Variants in HMCN1 observed in about 807,000 individuals in gnomAD.
The protein encoded by HMCN1 is hemicentin-1.
A neutral mutation model predicts 625.9 loss-of-function variants in HMCN1; 321 were observed. The observed-to-expected ratio is 0.51, with a 90% CI of 0.47 to 0.56. The LOEUF (loss-of-function observed/expected upper bound fraction) is 0.56. Ranked by LOEUF, HMCN1 falls within the 20% of genes least tolerant of loss-of-function variation. The probability of loss-of-function intolerance (pLI) is 0.00; values close to 1 mark genes in which losing one functional copy is unlikely to be tolerated. For missense variants in HMCN1, 6,588 were observed against 6,887.3 expected (o/e 0.96, Z 1.54); for synonymous variants, 2,425 against 2,417.6 (o/e 1.00, Z -0.09).
chr1:185,815,591 T>A (rs1394395646), intron 1 of HMCN1, among the ~76,000 whole-genome samples: 1 of 149,956 alleles, frequency 6.7e-6, no homozygotes, highest in Non-Finnish European at 1.5e-5. Context: ...GGGATAATTT[T>A]GATATTTAGT....
chr1:186,106,850 T>C (rs1367609674), intron 69 of HMCN1, 34 bp from the exon 70 acceptor site: 2 of 1,365,994 alleles, frequency 1.5e-6, no homozygotes, highest in South Asian at 2.3e-5. Flanking sequence ...GCTAACATGT[T>C]AACATTATGT....
In HMCN1 at chr1:186,103,533, A is replaced by G. The variant is rs768864513; in HGVS notation, c.10635A>G (p.Pro3545=). The change falls in exon 69 of 107, where the codon CCA becomes CCG. Residue 3545 remains proline (P), a synonymous_variant. Transcript: ENST00000271588. Reference sequence around the variant, plus strand: ...AGATATCAGTAATTGTTAATAACCCACTTGAACTTACCTGCATTGCTTCTG... The same window carrying G: ...AGATATCAGTAATTGTTAATAACCCGCTTGAACTTACCTGCATTGCTTCTG... ...HEEISVIVNN[P]LELTCIASGI... The G allele has an allele frequency of 6.2e-7, 1 of 1,613,802 alleles. No homozygotes were observed. The highest frequency in any genetic ancestry group is 8.5e-7 in the Non-Finnish European group (1 of 1,179,762).
intron 1 of HMCN1, among the ~76,000 whole-genome samples, chr1:185,752,189 G>A (rs1028079976): frequency 4.6e-5 from 7 of 152,106 alleles, no homozygotes; most frequent in Admixed American, 1.3e-4. Flanking sequence ...TTCTGGCTTA[G>A]GGTTTCAACT....
At chr1:186,143,737 T>C (rs917291787) in intron 89 of HMCN1, among the ~76,000 whole-genome samples, 2 of 152,216 alleles carry the variant, frequency 1.3e-5, no homozygotes, top group Non-Finnish European at 2.9e-5. Flanking sequence ...CCAAATTATC[T>C]TTGTGGAAAT....
chr1:186,082,920 C>T lies in HMCN1; in HGVS notation c.8843C>T (p.Thr2948Ile). Reference sequence around the variant, plus strand: ...AGGTATGTGTGTGTTGCTGAGAACACAGCTGGGAGTGCCAAAAAATATTTT... The same window carrying T: ...AGGTATGTGTGTGTTGCTGAGAACATAGCTGGGAGTGCCAAAAAATATTTT... ...IGRYVCVAEN[T>I]AGSAKKYFNL... The change falls in exon 57 of 107, where the codon ACA becomes ATA. Residue 2948 changes from threonine to isoleucine, a missense_variant. Thr to Ile is a moderately conservative substitution (Grantham distance 89). Transcript: ENST00000271588. The T allele has an allele frequency of 6.3e-7, 1 of 1,594,652 alleles. No homozygotes were observed. Among genetic ancestry groups the T allele is most frequent in the African/African-American group, 1.3e-5 (1 of 74,350 alleles).
chr1:185,911,613 T>C, intron 5 of HMCN1, 61 bp from the exon 6 acceptor site: 1 of 1,160,368 alleles, frequency 8.6e-7, no homozygotes, highest in South Asian at 1.2e-5. Context: ...AGTGTTAAAT[T>C]AGCTAATATA....
intron 97 of HMCN1, among the ~76,000 whole-genome samples, chr1:186,156,310 C>T (rs1271942023): frequency 6.6e-6 from 1 of 151,934 alleles, no homozygotes; most frequent in African/African-American, 2.4e-5. Flanking sequence ...TATTGACAAC[C>T]ATGATTAATC....
intron 2 of HMCN1, among the ~76,000 whole-genome samples, chr1:185,855,039 A>G (rs1662381866): frequency 6.6e-6 from 1 of 152,202 alleles, no homozygotes; most frequent in Non-Finnish European, 1.5e-5. Context: ...GAGGAAAAAC[A>G]GAGAAGGATC....
intron 75 of HMCN1, 123 bp downstream of exon 75, chr1:186,115,537 GT>G (rs912134615): frequency 2.4e-5 from 22 of 925,334 alleles, no homozygotes; most frequent in African/African-American, 1.7e-4. Context: ...CATATAGAGG[GT>G]TTTTTTCCTT....
At chr1:186,161,626 A>C (rs1480055689) in intron 97 of HMCN1, among the ~76,000 whole-genome samples, 2 of 151,808 alleles carry the variant, frequency 1.3e-5, no homozygotes, top group African/African-American at 4.9e-5. Context: ...GTGGTGACAA[A>C]ATCTCTCAGC....
At chr1:185,857,136 C>G (rs557344586) in intron 2 of HMCN1, among the ~76,000 whole-genome samples, 4 of 152,088 alleles carry the variant, frequency 2.6e-5, no homozygotes, top group Admixed American at 6.5e-5. Context: ...TAATTATCAC[C>G]GTAACTCTGA....
Position 186,017,197 on chromosome 1 carries a change from T to C in HMCN1, c.5300+126T>C, listed in dbSNP as rs372436340. The C allele has an allele frequency of 8.9e-5, 62 of 697,146 alleles. 1 individual carries two copies. In the East Asian group the frequency reaches 1.4e-3, roughly 16 times the overall value. The allele number at this position is 697,146 out of a possible 1,614,324, so 43.2% of individuals were successfully genotyped here. A position where few individuals can be genotyped will look rare whatever the true frequency, so the allele number is the denominator to read the frequency against. ...GAAATTGTATTCTTTATATTCCTCT[T>C]TTAAAAGACATGCTCTATATACAAG... On this transcript the variant is annotated intron_variant, in intron 33 of 106. Coordinates refer to ENST00000271588, the MANE Select transcript of HMCN1 (RefSeq NM_031935.3).
At chr1:185,886,784 TCC>T (rs1429476728) in intron 4 of HMCN1, among the ~76,000 whole-genome samples, 83 of 152,084 alleles carry the variant, frequency 5.5e-4, no homozygotes, top group African/African-American at 2.0e-3. Flanking sequence ...CCCTACCCAA[TCC>T]AGTAAGATAA....
chr1:185,964,047 A>G (rs1476195363), intron 13 of HMCN1, 152 bp downstream of exon 13: 1 of 696,454 alleles, frequency 1.4e-6, no homozygotes, highest in African/African-American at 1.8e-5. Context: ...CAAATATTGT[A>G]ACCAATTTAA....
chr1:186,157,691 T>G (rs1446161643), intron 97 of HMCN1, among the ~76,000 whole-genome samples: 1 of 152,172 alleles, frequency 6.6e-6, no homozygotes, highest in Admixed American at 6.5e-5. Context: ...ATATGCGGTG[T>G]TTGGTTTTTT....
intron 1 of HMCN1, among the ~76,000 whole-genome samples, chr1:185,778,269 T>C (rs1354674219): frequency 1.3e-5 from 2 of 152,242 alleles, no homozygotes; most frequent in East Asian, 3.9e-4. Flanking sequence ...TATGGGGACA[T>C]CCATAGATAC....
chr1:185,910,324 A>G (rs939511987), intron 5 of HMCN1, among the ~76,000 whole-genome samples: 1 of 152,124 alleles, frequency 6.6e-6, no homozygotes, highest in African/African-American at 2.4e-5. Context: ...TACAAGACAA[A>G]TACAACGTCT....
chr1:185,980,819 A>G (rs1041851108), intron 16 of HMCN1, among the ~76,000 whole-genome samples, 159 bp from the exon 17 acceptor site: 1 of 152,030 alleles, frequency 6.6e-6, no homozygotes, highest in Non-Finnish European at 1.5e-5. Context: ...CTTTGTTAGC[A>G]CTTATTTCAC....
rs776373249 is a variant in HMCN1 at position 186,115,317 on chromosome 1, A to G, written c.11464A>G (p.Thr3822Ala). The G allele has an allele frequency of 1.7e-5, 28 of 1,613,814 alleles. No homozygotes were observed. The highest frequency in any genetic ancestry group is 2.3e-5 in the Non-Finnish European group (27 of 1,179,950). Residue 3822 changes from threonine (T) to alanine (A), a missense_variant, in exon 75 of 107, where the codon ACT becomes GCT. By Grantham distance (58) the Thr-to-Ala change is moderately conservative (BLOSUM62 0). Coordinates refer to ENST00000271588, the MANE Select transcript of HMCN1 (RefSeq NM_031935.3). ...NMTVIVNVQTTLACEATGIPK... is the reference protein window; with the variant it reads ...NMTVIVNVQTALACEATGIPK... ...GACTGTAATAGTAAATGTTCAAACT[A>G]CTCTGGCTTGTGAGGCTACTGGGAT...
Sources: allele counts gnomAD v4.1 joint callset (sites outside exome capture counted in the v4.1 genomes callset), GRCh38; gene constraint gnomAD v4.1.1; transcripts MANE v1.5; gene names NCBI Gene and HGNC (gene_info 2026-07-23, HGNC 2026-07-21).